The following CDH9 variants were observed in gnomAD, a reference collection of about 807,000 sequenced individuals.
CDH9 encodes the protein cadherin-9.
A neutral mutation model predicts 70.9 loss-of-function variants in CDH9; 28 were observed. The ratio of observed to expected loss-of-function variants is 0.40; its 90% CI spans 0.29 to 0.54. CDH9 has a LOEUF of 0.54. Among genes scored for constraint, CDH9 ranks in the 20% least tolerant of loss-of-function variants. The probability of loss-of-function intolerance (pLI) is 0.59; values close to 1 mark genes in which losing one functional copy is unlikely to be tolerated. For synonymous variants in CDH9, 409 were observed against 343.1 expected (o/e 1.19, Z -2.12); for missense variants, 874 against 984.4 (o/e 0.89, Z 1.50).
At chr5:27,024,115 C>T (rs1207725025) in intron 1 of CDH9, among the ~76,000 whole-genome samples, 1 of 151,232 alleles carries the variant, frequency 6.6e-6, no homozygotes, top group Non-Finnish European at 1.5e-5. Flanking sequence ...CATTAGAAAC[C>T]ATTTTAACTT....
At chr5:27,022,012 G>C (rs1352195316) in intron 1 of CDH9, among the ~76,000 whole-genome samples, 2 of 151,954 alleles carry the variant, frequency 1.3e-5, no homozygotes, top group African/African-American at 4.8e-5. Context: ...TTGAAACAGA[G>C]GGTGTTGCTC....
At chr5:26,921,960 G>A (rs1422091447) in intron 2 of CDH9, among the ~76,000 whole-genome samples, 5 of 151,602 alleles carry the variant, frequency 3.3e-5, no homozygotes, top group South Asian at 4.2e-4. Flanking sequence ...TGTTAAAAGC[G>A]GGATTGATTA....
At chr5:26,981,997 C>T (rs1742407631) in intron 2 of CDH9, among the ~76,000 whole-genome samples, 2 of 151,974 alleles carry the variant, frequency 1.3e-5, no homozygotes, top group South Asian at 2.1e-4. Context: ...TCTCCCCATC[C>T]CTCTCTCCAT....
chr5:27,028,481 GGTACTGTT>G (rs1420530722), intron 1 of CDH9: 1 of 151,932 alleles, frequency 6.6e-6, no homozygotes, highest in African/African-American at 2.4e-5. Context: ...ATAATTGATA[GGTACTGTT>G]GTAATGGACT....
chr5:26,928,147 A>T (rs1741378519), intron 2 of CDH9, among the ~76,000 whole-genome samples: 1 of 152,120 alleles, frequency 6.6e-6, no homozygotes, highest in African/African-American at 2.4e-5. Flanking sequence ...AATTCAGTAA[A>T]ATTGCAGGAT....
At chr5:26,919,815 G>T (rs1355665276) in intron 2 of CDH9, among the ~76,000 whole-genome samples, 1 of 152,090 alleles carries the variant, frequency 6.6e-6, no homozygotes, top group African/African-American at 2.4e-5. Context: ...ATCCTTAAGG[G>T]AAGAATCCAA....
At chr5:26,993,264 G>A (rs537557193) in intron 1 of CDH9, among the ~76,000 whole-genome samples, 14 of 152,216 alleles carry the variant, frequency 9.2e-5, no homozygotes, top group African/African-American at 3.4e-4. Flanking sequence ...AAAGACCTTG[G>A]CTAAATTGTG....
intron 1 of CDH9, among the ~76,000 whole-genome samples, chr5:27,029,982 A>G (rs982681620): frequency 6.6e-6 from 1 of 151,984 alleles, no homozygotes; most frequent in African/African-American, 2.4e-5. Flanking sequence ...ACATTTTGCC[A>G]CTTTGTCTCT....
At chr5:26,913,518 T>C (rs1741090546) in intron 3 of CDH9, among the ~76,000 whole-genome samples, 1 of 152,134 alleles carries the variant, frequency 6.6e-6, no homozygotes, top group Non-Finnish European at 1.5e-5. Context: ...GTGGGAATTC[T>C]AGCCAGGTAG....
intron 3 of CDH9, among the ~76,000 whole-genome samples, chr5:26,910,351 C>T (rs1454899079): frequency 4.6e-5 from 7 of 151,970 alleles, no homozygotes; most frequent in Non-Finnish European, 7.4e-5. Flanking sequence ...CTAATTTAAA[C>T]GGTTTTCTAC....
chr5:26,926,941 A>C (rs1236510956), intron 2 of CDH9, among the ~76,000 whole-genome samples: 2 of 145,906 alleles, frequency 1.4e-5, no homozygotes, highest in Non-Finnish European at 3.0e-5. Context: ...AAAAAAAAGA[A>C]ACAAAGAAAG....
chr5:26,994,535 TTTTG>T (rs146801465), intron 1 of CDH9, among the ~76,000 whole-genome samples: 9,621 of 151,706 alleles, frequency 0.063, 316 homozygotes, highest in African/African-American at 0.097. Context: ...TCGTTTTGTT[TTTTG>T]TTTGTTTGTT....
At chr5:26,919,070 G>A (rs1286781271) in intron 2 of CDH9, among the ~76,000 whole-genome samples, 1 of 152,078 alleles carries the variant, frequency 6.6e-6, no homozygotes, top group South Asian at 2.1e-4. Flanking sequence ...ACATCAGATT[G>A]AACAACTATC....
intron 2 of CDH9, among the ~76,000 whole-genome samples, chr5:26,938,142 T>C (rs1741593166): frequency 6.6e-6 from 1 of 151,588 alleles, no homozygotes; most frequent in African/African-American, 2.4e-5. Flanking sequence ...AACCTAAAAC[T>C]TCTCTAAAAA....
Position 26,988,241 on chromosome 5 carries a change from A to G in CDH9, c.93T>C (p.Tyr31=). 1 of 1,613,540 alleles carries G rather than the reference A, an allele frequency of 6.2e-7. No individual in the cohort carries two copies. Among genetic ancestry groups the G allele is most frequent in the Non-Finnish European group, 8.5e-7 (1 of 1,179,604 alleles). The change falls in exon 2 of 12, where the codon TAT becomes TAC. Residue 31 remains tyrosine, a synonymous_variant. Coordinates refer to ENST00000231021, the MANE Select transcript of CDH9 (RefSeq NM_016279.4). ...GACCCGCTATCTTTTTGCTTGATAA[A>G]TAACTGTTAGGTTTTTCTTGTAATA... ...TILLQEKPNS[Y]LSSKKIAGLT... is the part of the protein sequence containing the mutation.
chr5:26,886,302 C>A (rs554587900), intron 9 of CDH9, among the ~76,000 whole-genome samples: 1 of 152,212 alleles, frequency 6.6e-6, no homozygotes, highest in Admixed American at 6.5e-5. Context: ...ATCCATTAAG[C>A]AATGGTTTGC....
At chr5:26,963,458 A>C (rs928926306) in intron 2 of CDH9, among the ~76,000 whole-genome samples, 1 of 152,138 alleles carries the variant, frequency 6.6e-6, no homozygotes, top group African/African-American at 2.4e-5. Context: ...TGATGATAGC[A>C]ATTGTTCATT....
At chr5:26,973,281 T>C (rs889758298) in intron 2 of CDH9, among the ~76,000 whole-genome samples, 1 of 150,994 alleles carries the variant, frequency 6.6e-6, no homozygotes, top group Non-Finnish European at 1.5e-5. Flanking sequence ...ATACCAGATC[T>C]ATATTATGAC....
intron 11 of CDH9, among the ~76,000 whole-genome samples, chr5:26,882,383 T>A (rs1233716033): frequency 6.6e-6 from 1 of 152,076 alleles, no homozygotes; most frequent in East Asian, 1.9e-4. Context: ...ATTCCCTCTA[T>A]TTGCTGTATT....
Sources: gnomAD v4.1 joint callset for allele counts (sites outside exome capture counted in the v4.1 genomes callset) on GRCh38, gnomAD v4.1.1 for gene constraint, MANE v1.5 for transcripts, NCBI Gene and HGNC (gene_info 2026-07-23, HGNC 2026-07-21) for gene names.